MACROD2: variants seen among roughly 807,000 people sequenced by gnomAD.
MACROD2 encodes mono-ADP ribosylhydrolase 2.
A neutral mutation model predicts 70.4 loss-of-function variants in MACROD2; 36 were observed. That is an observed-to-expected ratio of 0.51 (90% CI 0.39 to 0.68). MACROD2 has a LOEUF of 0.68. Ranked by LOEUF, MACROD2 falls within the 30% of genes least tolerant of loss-of-function variation. MACROD2 has a pLI of 0.00. For missense variants in MACROD2, 496 were observed against 538.4 expected (o/e 0.92, Z 0.78); for synonymous variants, 172 against 178.8 (o/e 0.96, Z 0.30).
At chr20:14,841,109 C>T (rs1399099407) in intron 5 of MACROD2, among the ~76,000 whole-genome samples, 21 of 151,676 alleles carry the variant, frequency 1.4e-4, no homozygotes, top group Non-Finnish European at 8.8e-5. Flanking sequence ...TTCCTTTGAC[C>T]AATATGAGAA....
intron 8 of MACROD2, among the ~76,000 whole-genome samples, chr20:15,827,602 C>T (rs1215950326): frequency 6.6e-6 from 1 of 152,138 alleles, no homozygotes; most frequent in Non-Finnish European, 1.5e-5. Flanking sequence ...TTCTCCTTGT[C>T]CGTTGCCTTT....
chr20:14,878,973 C>G (rs1290322532), intron 5 of MACROD2, among the ~76,000 whole-genome samples: 2 of 152,094 alleles, frequency 1.3e-5, no homozygotes, highest in Non-Finnish European at 2.9e-5. Context: ...ATGACCCTTT[C>G]TAATTACTTC....
intron 3 of MACROD2, among the ~76,000 whole-genome samples, chr20:14,252,296 A>T (rs1274222095): frequency 6.6e-6 from 1 of 151,968 alleles, no homozygotes; most frequent in Non-Finnish European, 1.5e-5. Context: ...TCTGTTTCCC[A>T]GTCACTGTTC....
At chr20:15,354,284 G>A (rs1007402036) in intron 6 of MACROD2, among the ~76,000 whole-genome samples, 1 of 152,064 alleles carries the variant, frequency 6.6e-6, no homozygotes, top group Admixed American at 6.6e-5. Context: ...CTCACTCTTA[G>A]GTGGGAATTG....
chr20:14,672,981 T>G (rs2070812838), intron 4 of MACROD2, among the ~76,000 whole-genome samples: 1 of 152,260 alleles, frequency 6.6e-6, no homozygotes, highest in Non-Finnish European at 1.5e-5. Flanking sequence ...TATGAATGTC[T>G]TGTAGCCTCA....
At chr20:15,755,616 C>A (rs2876412) in intron 8 of MACROD2, among the ~76,000 whole-genome samples, 30,831 of 152,018 alleles carry the variant, frequency 0.2, 4,271 homozygotes, top group African/African-American at 0.39. Context: ...TGAATAACAT[C>A]AAACAATATT....
At chr20:15,410,526 C>T (rs1197224056) in intron 6 of MACROD2, among the ~76,000 whole-genome samples, 1 of 152,164 alleles carries the variant, frequency 6.6e-6, no homozygotes, top group African/African-American at 2.4e-5. Flanking sequence ...GTCATCAAGT[C>T]CATTTGGCAA....
chr20:15,415,587 G>T (rs2046136530), intron 6 of MACROD2, among the ~76,000 whole-genome samples: 1 of 152,094 alleles, frequency 6.6e-6, no homozygotes. Context: ...TTTTTATTTT[G>T]TTCATCCTTA....
At chr20:14,141,516 T>C (rs1038675670) in intron 3 of MACROD2, among the ~76,000 whole-genome samples, 2 of 151,456 alleles carry the variant, frequency 1.3e-5, no homozygotes, top group South Asian at 4.2e-4. Flanking sequence ...GAGGCTGAGG[T>C]GGGTGGATCA....
chr20:14,004,039 AG>A (rs1352916765), intron 2 of MACROD2, among the ~76,000 whole-genome samples: 4 of 152,182 alleles, frequency 2.6e-5, no homozygotes, highest in African/African-American at 9.6e-5. Context: ...CAAAATGCAC[AG>A]GACCAGAAGT....
chr20:14,485,757 A>T (rs907689179), intron 3 of MACROD2, among the ~76,000 whole-genome samples: 1 of 150,922 alleles, frequency 6.6e-6, no homozygotes, highest in Non-Finnish European at 1.5e-5. Flanking sequence ...GGAATGGTAG[A>T]TAAGAGGAGT....
At chr20:15,651,596 T>A (rs922602924) in intron 8 of MACROD2, among the ~76,000 whole-genome samples, 4 of 152,174 alleles carry the variant, frequency 2.6e-5, no homozygotes, top group African/African-American at 7.2e-5. Context: ...AGGGTCAATA[T>A]GATGCAAAGA....
At chr20:15,725,492 A>T (rs1256577286) in intron 8 of MACROD2, among the ~76,000 whole-genome samples, 1 of 150,894 alleles carries the variant, frequency 6.6e-6, no homozygotes, top group Non-Finnish European at 1.5e-5. Flanking sequence ...TTGAGCTTTT[A>T]GATTTTCTAC....
intron 5 of MACROD2, among the ~76,000 whole-genome samples, chr20:14,827,307 C>T (rs1224455848): frequency 6.6e-6 from 1 of 152,078 alleles, no homozygotes; most frequent in East Asian, 1.9e-4. Context: ...ACAGCGACCG[C>T]ATTAAGTAGG....
intron 5 of MACROD2, among the ~76,000 whole-genome samples, chr20:14,911,529 A>C (rs1425961562): frequency 2.6e-5 from 4 of 152,066 alleles, no homozygotes; most frequent in African/African-American, 9.6e-5. Context: ...AGTGCATGCC[A>C]CTATGTTGAG....
chr20:15,170,399 G>A (rs1006428252), intron 5 of MACROD2, among the ~76,000 whole-genome samples: 5 of 152,176 alleles, frequency 3.3e-5, no homozygotes, highest in African/African-American at 1.2e-4. Context: ...AAGCACTGAA[G>A]CCTACAAGGA....
intron 8 of MACROD2, among the ~76,000 whole-genome samples, chr20:15,859,861 C>T (rs190292694): frequency 1.5e-3 from 233 of 151,718 alleles, no homozygotes; most frequent in Non-Finnish European, 2.6e-3. Flanking sequence ...GATTATAGTT[C>T]CTTCCAATAT....
At chr20:14,015,669 C>G (rs2148620293) in intron 2 of MACROD2, among the ~76,000 whole-genome samples, 1 of 152,328 alleles carries the variant, frequency 6.6e-6, no homozygotes, top group South Asian at 2.1e-4. Context: ...CCCTCTTATT[C>G]TTGACTGTCT....
chr20:15,317,969 T>C (rs1261091232), intron 6 of MACROD2, among the ~76,000 whole-genome samples: 1 of 152,036 alleles, frequency 6.6e-6, no homozygotes. Flanking sequence ...ATCAGAGATA[T>C]AGTTAATAAA....
Sources: gnomAD v4.1 joint callset for allele counts (sites outside exome capture counted in the v4.1 genomes callset) on GRCh38, gnomAD v4.1.1 for gene constraint, MANE v1.5 for transcripts, NCBI Gene and HGNC (gene_info 2026-07-23, HGNC 2026-07-21) for gene names.